Variants in BLM observed in about 807,000 individuals in gnomAD.
BLM encodes the protein recQ-like DNA helicase BLM.
A neutral mutation model predicts 135.3 loss-of-function variants in BLM; 95 were observed. That is an observed-to-expected ratio of 0.70 (90% CI 0.59 to 0.83). BLM has a LOEUF of 0.83. BLM is among the 40% of genes least tolerant of loss of function. The pLI, the probability that BLM is intolerant of heterozygous loss-of-function variation, is 0.00. For missense variants in BLM, 1,518 were observed against 1,663.9 expected (o/e 0.91, Z 1.53); for synonymous variants, 520 against 589.2 (o/e 0.88, Z 1.70).
intron 14 of BLM, among the ~76,000 whole-genome samples, chr15:90,788,618 C>T (rs915841258): frequency 1.3e-5 from 2 of 151,372 alleles, no homozygotes; most frequent in African/African-American, 4.9e-5. Context: ...GTTTGCAGTA[C>T]ATTATAGGCA....
chr15:90,754,777 A>G (rs1895772175), intron 4 of BLM, 34 bp from the exon 5 acceptor site: 1 of 1,605,264 alleles, frequency 6.2e-7, no homozygotes, highest in Non-Finnish European at 8.5e-7. Context: ...TCTAGCCTAT[A>G]GTATGATTGG....
chr15:90,785,998 C>CTTTTTT (rs869185558), intron 14 of BLM, among the ~76,000 whole-genome samples: 17 of 110,714 alleles, frequency 1.5e-4, no homozygotes, highest in East Asian at 2.7e-4. Flanking sequence ...TCGTTTCTTT[C>CTTTTTT]TTTTTTTTTT....
chr15:90,730,604 C>T lies in BLM; in HGVS notation c.-5+13164C>T, dbSNP rs115213060. On this transcript the variant is annotated intron_variant, in intron 1 of 21. Transcript: ENST00000355112. ...GCTGAGACTAGAGGCTGCGTCACTG[C>T]GCCCAGCTAATTTTTGTATTTTAGG... 8.5e-3 allele frequency among the ~76,000 whole-genome samples: 1,271 copies of T among 149,814 alleles called. 13 individuals are homozygous for T. The highest frequency in any genetic ancestry group is 0.03 in the African/African-American group (1,224 of 41,302).
intron 4 of BLM, among the ~76,000 whole-genome samples, chr15:90,753,793 G>A (rs1484284216): frequency 6.6e-6 from 1 of 152,108 alleles, no homozygotes; most frequent in Non-Finnish European, 1.5e-5. Context: ...TCTGTAGCTG[G>A]CCCTCAAGAT....
chr15:90,811,121 C>T, intron 20 of BLM, 84 bp from the exon 21 acceptor site: 1 of 1,434,988 alleles, frequency 7.0e-7, no homozygotes, highest in Non-Finnish European at 9.8e-7. Flanking sequence ...AAAATGGGCC[C>T]CTGCAGCGTG....
intron 4 of BLM, 41 bp downstream of exon 4, chr15:90,751,987 G>A: frequency 6.6e-7 from 1 of 1,526,040 alleles, no homozygotes; most frequent in East Asian, 2.3e-5. Context: ...TTGTTTCTGG[G>A]ATACTTTAAA....
At chr15:90,800,356 C>T (rs1897134539) in intron 17 of BLM, among the ~76,000 whole-genome samples, 1 of 152,184 alleles carries the variant, frequency 6.6e-6, no homozygotes, top group African/African-American at 2.4e-5. Flanking sequence ...AGTCAGGCAG[C>T]AGGGCCAGTA....
chr15:90,731,729 CTT>C (rs955955453), intron 1 of BLM, among the ~76,000 whole-genome samples: 11 of 152,188 alleles, frequency 7.2e-5, no homozygotes, highest in African/African-American at 2.4e-4. Flanking sequence ...CTTTCAATCT[CTT>C]CTTTTTTGTC....
At chr15:90,780,975 A>G (rs970945003) in intron 12 of BLM, among the ~76,000 whole-genome samples, 2 of 152,252 alleles carry the variant, frequency 1.3e-5, no homozygotes, top group Admixed American at 1.3e-4. Context: ...CCCTAGAACC[A>G]ATCCCCCATG....
chr15:90,770,862 A>C (rs1391705685), intron 12 of BLM, among the ~76,000 whole-genome samples: 1 of 152,256 alleles, frequency 6.6e-6, no homozygotes, highest in Non-Finnish European at 1.5e-5. Flanking sequence ...TCATGTGATT[A>C]AGATAGCTAC....
At chr15:90,784,853 G>A (rs940339219) in intron 13 of BLM, 68 bp from the exon 14 acceptor site, 3 of 1,499,250 alleles carry the variant, frequency 2.0e-6, no homozygotes, top group African/African-American at 2.8e-5. Context: ...TTCTGAAAAT[G>A]TAGTGTAAAT....
At chr15:90,743,102 A>T (rs780359812) in intron 1 of BLM, among the ~76,000 whole-genome samples, 20 of 144,722 alleles carry the variant, frequency 1.4e-4, no homozygotes, top group Non-Finnish European at 2.7e-4. Flanking sequence ...CTCAAGGGAT[A>T]CTCCCACCTC....
At chr15:90,763,314 C>T (rs1436693986) in intron 8 of BLM, among the ~76,000 whole-genome samples, 157 bp downstream of exon 8, 1 of 152,112 alleles carries the variant, frequency 6.6e-6, no homozygotes, top group Non-Finnish European at 1.5e-5. Flanking sequence ...TACTTTATAT[C>T]CTTTGTTCTG....
Position 90,809,601 on chromosome 15 carries a change from G to A in BLM, c.3874+342G>A, listed in dbSNP as rs1897360672. Among the ~76,000 whole-genome samples, 3 of 152,296 alleles carry A rather than the reference G, an allele frequency of 2.0e-5. No homozygotes were observed. The South Asian group carries it at 6.2e-4, about 32-fold the overall frequency. ...TGTGGTCTCTAGCAGGCCACCAATA[G>A]CCTCTTTGTGAATCAGGTTCCTCCA... On this transcript the variant is annotated intron_variant, in intron 20 of 21. Coordinates refer to ENST00000355112, the MANE Select transcript of BLM (RefSeq NM_000057.4).
At chr15:90,761,383 A>G in intron 7 of BLM, 128 bp downstream of exon 7, 1 of 729,010 alleles carries the variant, frequency 1.4e-6, no homozygotes. Context: ...TCTACTGATG[A>G]TATGAATTAC....
At chr15:90,794,549 GA>G (rs1896986227) in intron 16 of BLM, among the ~76,000 whole-genome samples, 192 bp downstream of exon 16, 1 of 151,622 alleles carries the variant, frequency 6.6e-6, no homozygotes, top group Non-Finnish European at 1.5e-5. Context: ...TTTATAATTA[GA>G]ACCCTGTTAA....
chr15:90,774,599 C>T (rs907286237), intron 12 of BLM, among the ~76,000 whole-genome samples: 10 of 150,534 alleles, frequency 6.6e-5, no homozygotes, highest in African/African-American at 2.2e-4. Context: ...TTTGGGTGGC[C>T]GAGGCGGGTG....
At chr15:90,782,003 C>T (rs1353646519) in intron 12 of BLM, among the ~76,000 whole-genome samples, 1 of 152,156 alleles carries the variant, frequency 6.6e-6, no homozygotes, top group East Asian at 1.9e-4. Flanking sequence ...TAAACATTCC[C>T]TCTTTATCAC....
At chr15:90,729,659 A>C (rs1448785227) in intron 1 of BLM, among the ~76,000 whole-genome samples, 3 of 152,158 alleles carry the variant, frequency 2.0e-5, no homozygotes, top group Non-Finnish European at 2.9e-5. Context: ...TAATCTTCCT[A>C]TTTTAAGGTC....
Sources: allele counts gnomAD v4.1 joint callset (sites outside exome capture counted in the v4.1 genomes callset), GRCh38; gene constraint gnomAD v4.1.1; transcripts MANE v1.5; gene names NCBI Gene and HGNC (gene_info 2026-07-23, HGNC 2026-07-21).